Variants in PARD3B observed in about 807,000 individuals in gnomAD.
PARD3B encodes par-3 family cell polarity regulator beta, also known as partitioning defective 3 homolog B.
In PARD3B, 103 loss-of-function variants were observed where a neutral mutation model predicts 130.2. That is an observed-to-expected ratio of 0.79 (90% confidence interval 0.67 to 0.93). PARD3B has a LOEUF of 0.93. Ranked by LOEUF, PARD3B falls within the 40% of genes least tolerant of loss-of-function variation. The probability of loss-of-function intolerance (pLI) is 0.00; values close to 1 mark genes in which losing one functional copy is unlikely to be tolerated. For synonymous variants in PARD3B, 583 were observed against 553.2 expected, an observed-to-expected ratio of 1.05 and a Z score of -0.76; for missense variants, 1,609 against 1,499.2, an observed-to-expected ratio of 1.07 and a Z score of -1.21.
Position 205,550,709 on chromosome 2 carries a change from A to G in PARD3B, c.3181-2615A>G, listed in dbSNP as rs916129309. Among the ~76,000 whole-genome samples the G allele has an allele frequency of 6.6e-6, 1 of 151,690 alleles. No homozygotes were observed. The highest frequency in any genetic ancestry group is 6.6e-5 in the Admixed American group (1 of 15,208). ...TAAGGATCACCTTACATTTCATACAATCTTATATGCTGTTGGGTATATTTC... is the reference window on the plus strand; with the variant it reads ...TAAGGATCACCTTACATTTCATACAGTCTTATATGCTGTTGGGTATATTTC... On this transcript the variant is annotated intron_variant, in intron 21 of 22. Coordinates refer to ENST00000406610, the MANE Select transcript of PARD3B (RefSeq NM_001302769.2). The surrounding 1 kb of genome is among the most constrained non-coding windows in gnomAD (Gnocchi z 4.5).
intron 9 of PARD3B, 67 bp downstream of exon 9, chr2:205,124,533 ATT>A: frequency 1.7e-6 from 2 of 1,174,058 alleles, no homozygotes; most frequent in Non-Finnish European, 2.3e-6. Context: ...ATTTAATTGC[ATT>A]GAAATATATG....
intron 21 of PARD3B, among the ~76,000 whole-genome samples, chr2:205,518,073 A>AGAGTTGT (rs1343188412): frequency 5.9e-5 from 9 of 152,136 alleles, no homozygotes; most frequent in African/African-American, 2.2e-4. Context: ...TTTTGGGTGG[A>AGAGTTGT]GAGTTGTATA....
chr2:205,466,564 T>C (rs2048629104), intron 20 of PARD3B, among the ~76,000 whole-genome samples: 1 of 152,220 alleles, frequency 6.6e-6, no homozygotes, highest in Non-Finnish European at 1.5e-5. Flanking sequence ...AGAAAAGTTT[T>C]ATTAATACAA....
At chr2:205,256,354 T>C (rs2105743412) in intron 16 of PARD3B, among the ~76,000 whole-genome samples, 1 of 152,238 alleles carries the variant, frequency 6.6e-6, no homozygotes, top group Middle Eastern at 3.4e-3. Context: ...ACATGTACCG[T>C]ATACCAGGCT....
intron 3 of PARD3B, among the ~76,000 whole-genome samples, chr2:204,973,506 T>TA (rs71032424): frequency 0.68 from 102,889 of 150,234 alleles, 36,219 homozygotes; most frequent in African/African-American, 0.84. Flanking sequence ...GCCTTTAAGA[T>TA]TTTTTTTTTC....
chr2:204,978,645 C>T (rs985079951), intron 3 of PARD3B, among the ~76,000 whole-genome samples: 2 of 152,010 alleles, frequency 1.3e-5, no homozygotes, highest in Non-Finnish European at 2.9e-5. Flanking sequence ...TTTTTGCCTC[C>T]TCCTTTCCCA....
chr2:205,046,484 T>G (rs1209714932), intron 3 of PARD3B, among the ~76,000 whole-genome samples: 6 of 151,278 alleles, frequency 4.0e-5, no homozygotes, highest in East Asian at 3.9e-4. Flanking sequence ...AAAGAAGTTT[T>G]TTTTTTTTTT....
chr2:205,388,537 G>T (rs551244657), intron 18 of PARD3B, among the ~76,000 whole-genome samples: 1 of 152,246 alleles, frequency 6.6e-6, no homozygotes, highest in Non-Finnish European at 1.5e-5. Context: ...ATTGTGTGTT[G>T]TTTGTAATAG....
intron 19 of PARD3B, among the ~76,000 whole-genome samples, chr2:205,404,094 C>G (rs945877540): frequency 7.2e-5 from 11 of 152,092 alleles, no homozygotes; most frequent in Non-Finnish European, 1.5e-4. Flanking sequence ...TACCATAATC[C>G]CATAACCACT....
At chr2:205,170,493 A>G (rs1430691319) in intron 11 of PARD3B, among the ~76,000 whole-genome samples, 1 of 152,008 alleles carries the variant, frequency 6.6e-6, no homozygotes, top group Non-Finnish European at 1.5e-5. Flanking sequence ...TGCCATCTCC[A>G]TTTCTTCCCC....
chr2:204,578,593 C>G (rs562686217), intron 1 of PARD3B, among the ~76,000 whole-genome samples: 4 of 152,102 alleles, frequency 2.6e-5, no homozygotes, highest in Non-Finnish European at 4.4e-5. Context: ...AAGATGTAAA[C>G]TAGTTTATTA....
intron 20 of PARD3B, among the ~76,000 whole-genome samples, chr2:205,448,234 T>G (rs1193112686): frequency 6.6e-6 from 1 of 152,214 alleles, no homozygotes; most frequent in Non-Finnish European, 1.5e-5. Flanking sequence ...GATTGCTTTG[T>G]TGGGCATGGC....
chr2:204,559,050 A>G (rs2125052609), intron 1 of PARD3B, among the ~76,000 whole-genome samples: 1 of 152,344 alleles, frequency 6.6e-6, no homozygotes, highest in East Asian at 1.9e-4. Flanking sequence ...TTCAAGATGG[A>G]TTAAAGACTT....
At chr2:204,682,280 T>G (rs1002819901) in intron 1 of PARD3B, among the ~76,000 whole-genome samples, 1 of 151,684 alleles carries the variant, frequency 6.6e-6, no homozygotes, top group Non-Finnish European at 1.5e-5. Context: ...TTTCTGTGTT[T>G]AAAAAAAAAT....
At chr2:204,725,350 A>G (rs1204647413) in intron 2 of PARD3B, among the ~76,000 whole-genome samples, 1 of 152,192 alleles carries the variant, frequency 6.6e-6, no homozygotes, top group Non-Finnish European at 1.5e-5. Context: ...TGTAGGTGAA[A>G]ACGTACCTTA....
chr2:204,776,902 G>A (rs548016254), intron 2 of PARD3B, among the ~76,000 whole-genome samples: 2 of 151,944 alleles, frequency 1.3e-5, no homozygotes, highest in East Asian at 2.0e-4. Context: ...TACATAATGG[G>A]GGTGGGTAAA....
chr2:205,312,964 T>C (rs975464031), intron 18 of PARD3B, among the ~76,000 whole-genome samples: 1 of 152,194 alleles, frequency 6.6e-6, no homozygotes, highest in African/African-American at 2.4e-5. Context: ...TGATAATATT[T>C]ATATGTTTAT....
chr2:205,314,764 A>G (rs1427398869), intron 18 of PARD3B, among the ~76,000 whole-genome samples: 1 of 152,218 alleles, frequency 6.6e-6, no homozygotes, highest in Non-Finnish European at 1.5e-5. Flanking sequence ...TCATTTCTGC[A>G]CAGTGGCCCT....
chr2:204,894,444 C>T (rs1291295989), intron 2 of PARD3B, among the ~76,000 whole-genome samples: 1 of 146,674 alleles, frequency 6.8e-6, no homozygotes, highest in Non-Finnish European at 1.5e-5. Flanking sequence ...GGCATTTTTA[C>T]TTTTTTTTTT....
Sources: gnomAD v4.1 joint callset for allele counts (sites outside exome capture counted in the v4.1 genomes callset) on GRCh38, gnomAD v4.1.1 for gene constraint, Gnocchi (gnomAD v3.1) non-coding constraint, MANE v1.5 for transcripts, NCBI Gene and HGNC (gene_info 2026-07-23, HGNC 2026-07-21) for gene names.